TRPC5: variants seen among roughly 807,000 people sequenced by gnomAD.
TRPC5 encodes the protein short transient receptor potential channel 5.
Under a neutral mutation model 56.5 loss-of-function variants are expected in TRPC5, and 9 were observed. The ratio of observed to expected loss-of-function variants is 0.16; its 90% confidence interval spans 0.10 to 0.28. The LOEUF (loss-of-function observed/expected upper bound fraction) is 0.28. TRPC5 is among the 10% of genes least tolerant of loss of function. The pLI is 1.00. For missense variants in TRPC5, 469 were observed against 748.9 expected, an observed-to-expected ratio of 0.63 and a Z score of 4.36; for synonymous variants, 282 against 278.5, an observed-to-expected ratio of 1.01 and a Z score of -0.13.
At chrX:111,905,416 T>C (rs1166785656) in intron 3 of TRPC5, among the ~76,000 whole-genome samples, 1 of 111,954 alleles carries the variant, frequency 8.9e-6, no homozygotes, top group Non-Finnish European at 1.9e-5. Context: ...AAATGACTTC[T>C]AGTTCCTGAA....
chrX:112,077,413 TC>T (rs2147750428), intron 1 of TRPC5, among the ~76,000 whole-genome samples: 1 of 112,590 alleles, frequency 8.9e-6, no homozygotes, highest in African/African-American at 3.2e-5. Flanking sequence ...TTTTCAAATA[TC>T]TTTCAGATGC....
intron 7 of TRPC5, among the ~76,000 whole-genome samples, chrX:111,797,458 A>G (rs992156981): frequency 2.7e-5 from 3 of 111,877 alleles, no homozygotes; most frequent in African/African-American, 9.7e-5. Flanking sequence ...ATATACCTCT[A>G]TCTTTTCTAG....
intron 7 of TRPC5, among the ~76,000 whole-genome samples, chrX:111,811,489 G>A (rs1451037083): frequency 8.9e-6 from 1 of 112,359 alleles, no homozygotes; most frequent in African/African-American, 3.2e-5. Flanking sequence ...ATTTGCCATG[G>A]GATACAGTGT....
intron 3 of TRPC5, among the ~76,000 whole-genome samples, chrX:111,905,067 G>A: frequency 9.1e-6 from 1 of 109,864 alleles, no homozygotes; most frequent in Non-Finnish European, 1.9e-5. Flanking sequence ...AGCCCTTCAG[G>A]AAATAATTAT....
intron 1 of TRPC5, among the ~76,000 whole-genome samples, chrX:112,060,003 G>A (rs1930426717): frequency 8.9e-6 from 1 of 112,161 alleles, no homozygotes; most frequent in African/African-American, 3.2e-5. Context: ...CCAGCTGAAA[G>A]ACACTGAGGA....
At chrX:111,835,149 C>A (rs1181691823) in intron 6 of TRPC5, 33 bp from the exon 7 acceptor site, 19 of 1,102,333 alleles carry the variant, frequency 1.7e-5, no homozygotes, top group South Asian at 2.3e-5. Context: ...TTAGTTAATT[C>A]TTTAAGAAGA....
chrX:111,959,454 T>C (rs1011437267), intron 1 of TRPC5, among the ~76,000 whole-genome samples: 9 of 111,632 alleles, frequency 8.1e-5, no homozygotes, highest in African/African-American at 2.9e-4. Flanking sequence ...AATGATACAC[T>C]ACAAAAAGTC....
At position 111,772,163 on chromosome X, in the gene TRPC5, C is replaced by G. The variant is rs1231182844; in HGVS notation, c.*4150G>C. Among the ~76,000 whole-genome samples, 1 of 110,987 alleles carries G rather than the reference C, an allele frequency of 9.0e-6. No individual in the cohort carries two copies. Among genetic ancestry groups the G allele is most frequent in the Non-Finnish European group, 1.9e-5 (1 of 52,906 alleles). ...TCTCTGCTGAAGTAAAGCTCACATT[C>G]ATTTGGGGTACTCAGATCCCACTGC... On this transcript the variant is annotated 3_prime_UTR_variant, in exon 11 of 11. Transcript: ENST00000262839.
At chrX:111,952,470 A>C in intron 1 of TRPC5, 29 bp from the exon 2 acceptor site, 1 of 1,156,368 alleles carries the variant, frequency 8.6e-7, no homozygotes, top group Non-Finnish European at 1.2e-6. Flanking sequence ...AAAGACCAAA[A>C]TATCCTTAGA....
At chrX:111,955,688 T>A (rs1390305134) in intron 1 of TRPC5, among the ~76,000 whole-genome samples, 1 of 111,904 alleles carries the variant, frequency 8.9e-6, no homozygotes, top group Non-Finnish European at 1.9e-5. Flanking sequence ...CACTCCAGGC[T>A]CAGAGGCCAA....
chrX:111,986,316 G>A (rs1199722167), intron 1 of TRPC5, among the ~76,000 whole-genome samples: 1 of 99,905 alleles, frequency 1.0e-5, no homozygotes, highest in African/African-American at 3.4e-5. Context: ...TCAACTTTAT[G>A]TTCCAGGTAC....
chrX:111,786,937 A>G (rs760890408), intron 7 of TRPC5, among the ~76,000 whole-genome samples: 1 of 111,527 alleles, frequency 9.0e-6, no homozygotes, highest in African/African-American at 3.3e-5. Flanking sequence ...AGACCTACAA[A>G]GAGGCTTAGA....
chrX:111,908,671 G>A (rs1001323650), intron 3 of TRPC5, among the ~76,000 whole-genome samples: 8 of 111,844 alleles, frequency 7.2e-5, no homozygotes, highest in Non-Finnish European at 1.1e-4. Context: ...TCAGTGAATA[G>A]CACCAGGCCT....
At position 111,876,060 on chromosome X, in the gene TRPC5, A is replaced by G. The variant is rs778516157; in HGVS notation, c.901-21954T>C. The stretch of plus-strand genomic sequence containing the variant: ...GAAAAAAAAAAAAACTAGAAAAGAC[A>G]AATGTGGCAAACAAAAACTGCAGGA... On this transcript the variant is annotated intron_variant, in intron 3 of 10. Coordinates refer to ENST00000262839, the MANE Select transcript of TRPC5 (RefSeq NM_012471.3). 5 of 110,908 alleles carry G rather than the reference A, an allele frequency of 4.5e-5. No individual in the cohort carries two copies. In the East Asian group the frequency reaches 1.4e-3, roughly 32 times the overall value. 9.1% of individuals were successfully genotyped at this position (110,908 alleles called of 1,213,427 possible). A position where few individuals can be genotyped will look rare whatever the true frequency, so the allele number is the denominator to read the frequency against.
chrX:111,858,137 A>G (rs1336178511), intron 3 of TRPC5, among the ~76,000 whole-genome samples: 1 of 112,328 alleles, frequency 8.9e-6, no homozygotes. Context: ...TTAAGCCACC[A>G]TGTAGTATCT....
intron 1 of TRPC5, among the ~76,000 whole-genome samples, chrX:111,993,658 A>G (rs776229853): frequency 3.6e-5 from 4 of 112,339 alleles, no homozygotes; most frequent in Non-Finnish European, 7.5e-5. Context: ...ACCAGTGATG[A>G]TGAGCATTTT....
At chrX:111,972,540 C>G (rs1927812672) in intron 1 of TRPC5, among the ~76,000 whole-genome samples, 1 of 112,106 alleles carries the variant, frequency 8.9e-6, no homozygotes, top group Non-Finnish European at 1.9e-5. Flanking sequence ...TGTTCTGCCC[C>G]TGGGAACTCA....
intron 1 of TRPC5, among the ~76,000 whole-genome samples, chrX:112,034,495 A>C (rs1279370078): frequency 9.1e-6 from 1 of 110,418 alleles, no homozygotes; most frequent in African/African-American, 3.3e-5. Flanking sequence ...TTTGTTCTGA[A>C]ACTTTGATGC....
chrX:112,036,761 A>T (rs1418159588), intron 1 of TRPC5, among the ~76,000 whole-genome samples: 1 of 111,485 alleles, frequency 9.0e-6, no homozygotes, highest in Middle Eastern at 4.2e-3. Context: ...ACCAACAAAC[A>T]GTTATCTGGG....
Sources: allele counts gnomAD v4.1 joint callset (sites outside exome capture counted in the v4.1 genomes callset), GRCh38; gene constraint gnomAD v4.1.1; transcripts MANE v1.5; gene names NCBI Gene and HGNC (gene_info 2026-07-23, HGNC 2026-07-21).